The following ENTPD5 variants were observed in gnomAD, a reference collection of about 807,000 sequenced individuals.
ENTPD5 encodes ectonucleoside triphosphate diphosphohydrolase 5 (inactive).
Under a neutral mutation model 60.2 loss-of-function variants are expected in ENTPD5, and 49 were observed. The observed-to-expected ratio is 0.81, with a 90% CI of 0.65 to 1.03. The LOEUF (loss-of-function observed/expected upper bound fraction) is 1.03, where lower values mean the gene tolerates loss of function less well. Among genes scored for constraint, ENTPD5 ranks in the 50% least tolerant of loss-of-function variants. The pLI is 0.00. For synonymous variants in ENTPD5, 187 were observed against 185.4 expected (o/e 1.01, Z -0.07); for missense variants, 480 against 507.6 (o/e 0.95, Z 0.52).
chr14:73,974,853 G>T, intron 11 of ENTPD5, 71 bp downstream of exon 11: 1 of 1,242,170 alleles, frequency 8.1e-7, no homozygotes, highest in Non-Finnish European at 1.2e-6. Context: ...GGCTATCAAG[G>T]AAGGGAAGAA....
downstream of ENTPD5, chr14:73,960,773 G>A (rs2056682803): frequency 5.0e-6 from 2 of 399,710 alleles, no homozygotes; most frequent in Non-Finnish European, 4.4e-6. Flanking sequence ...AAGACTGGAG[G>A]AGTTAAAAAG....
chr14:73,974,852 G>T, intron 11 of ENTPD5, 72 bp downstream of exon 11: 1 of 1,240,198 alleles, frequency 8.1e-7, no homozygotes, highest in Non-Finnish European at 1.2e-6. Context: ...TGGCTATCAA[G>T]GAAGGGAAGA....
intron 11 of ENTPD5, 79 bp downstream of exon 11, chr14:73,974,845 C>T: frequency 1.3e-5 from 15 of 1,131,246 alleles, no homozygotes; most frequent in Non-Finnish European, 1.8e-5. Context: ...CATAGAATGG[C>T]TATCAAGGAA....
At chr14:74,007,979 C>T (rs771237623) in intron 3 of ENTPD5, among the ~76,000 whole-genome samples, 5 of 151,408 alleles carry the variant, frequency 3.3e-5, no homozygotes, top group South Asian at 2.1e-4. Flanking sequence ...TATAGGCACC[C>T]GCCACCATGC....
chr14:73,969,356 A>C (rs1017503392), intron 15 of ENTPD5, among the ~76,000 whole-genome samples: 19 of 151,842 alleles, frequency 1.3e-4, no homozygotes, highest in African/African-American at 4.6e-4. Flanking sequence ...CACCTCTCCA[A>C]CTCTTTCCCC....
chr14:74,017,952 C>A (rs1045416399), intron 1 of ENTPD5, among the ~76,000 whole-genome samples: 1 of 151,750 alleles, frequency 6.6e-6, no homozygotes, highest in African/African-American at 2.4e-5. Context: ...GAGGCCGAGG[C>A]AGGTGGATCA....
intron 5 of ENTPD5, among the ~76,000 whole-genome samples, chr14:73,983,919 G>A (rs1407925397): frequency 6.6e-6 from 1 of 152,032 alleles, no homozygotes; most frequent in Admixed American, 6.6e-5. Flanking sequence ...TCGAATACCT[G>A]ACCTCAAGTG....
intron 6 of ENTPD5, among the ~76,000 whole-genome samples, chr14:73,980,091 T>G (rs2057616620): frequency 6.6e-6 from 1 of 151,668 alleles, no homozygotes; most frequent in South Asian, 2.1e-4. Flanking sequence ...GGATTACAGA[T>G]GCCTGCCACC....
chr14:73,957,095 A>AT (rs1194476384), downstream of ENTPD5, among the ~76,000 whole-genome samples: 31 of 127,994 alleles, frequency 2.4e-4, no homozygotes, highest in East Asian at 1.6e-3. Flanking sequence ...TATTATTATT[A>AT]TTATTATTTT....
intron 6 of ENTPD5, among the ~76,000 whole-genome samples, chr14:73,979,749 G>A (rs930194245): frequency 6.6e-6 from 1 of 152,026 alleles, no homozygotes; most frequent in Non-Finnish European, 1.5e-5. Flanking sequence ...GGGATTACAG[G>A]CGTAAGCCAC....
At chr14:73,994,127 CTTTA>C (rs1312196799) in intron 3 of ENTPD5, among the ~76,000 whole-genome samples, 3 of 151,704 alleles carry the variant, frequency 2.0e-5, no homozygotes, top group East Asian at 3.9e-4. Flanking sequence ...TTTTTTTAAA[CTTTA>C]TTTATTTATT....
intron 5 of ENTPD5, among the ~76,000 whole-genome samples, chr14:73,986,069 C>CAA (rs534512335): frequency 8.2e-4 from 65 of 79,266 alleles, no homozygotes; most frequent in Non-Finnish European, 1.4e-3. Context: ...GATACTCCGT[C>CAA]AAAAAAAAAA....
chr14:73,987,957 T>C lies in ENTPD5; in HGVS notation c.146A>G (p.Tyr49Cys). 1 of 1,614,162 alleles carries C rather than the reference T, an allele frequency of 6.2e-7. No homozygotes were observed. The highest frequency in any genetic ancestry group is 8.5e-7 in the Non-Finnish European group (1 of 1,180,026). Reference sequence around the variant, plus strand: ...GCTCCCTGCATCAAACATAATTCCATACAAGGTGCTGGCGCTGACATTGAT... The same window carrying C: ...GCTCCCTGCATCAAACATAATTCCACACAAGGTGCTGGCGCTGACATTGAT... ...CPINVSASTL[Y>C]GIMFDAGSTG... is the part of the protein sequence containing the mutation. The change falls in exon 4 of 16, where the codon TAT becomes TGT. Residue 49 changes from tyrosine (Y) to cysteine (C), a missense_variant. Physicochemically the swap from Tyr to Cys is radical, Grantham distance 194. Transcript: ENST00000334696.
chr14:73,976,502 T>C, intron 8 of ENTPD5, 90 bp from the exon 9 acceptor site: 2 of 990,132 alleles, frequency 2.0e-6, no homozygotes, highest in East Asian at 4.8e-5. Context: ...CTGAAGGTAT[T>C]CCATACATAC....
chr14:73,957,207 C>T (rs1475284462), downstream of ENTPD5, among the ~76,000 whole-genome samples: 4 of 151,924 alleles, frequency 2.6e-5, no homozygotes, highest in Admixed American at 6.6e-5. Context: ...ACACCATTCT[C>T]CTGCCTCAGC....
chr14:73,988,293 A>C, intron 3 of ENTPD5, 121 bp from the exon 4 acceptor site: 1 of 916,888 alleles, frequency 1.1e-6, no homozygotes, highest in Non-Finnish European at 1.5e-6. Flanking sequence ...CTGTACAACA[A>C]GCTAAACCAG....
At position 73,972,053 on chromosome 14, in the gene ENTPD5, T is replaced by A. The variant is rs1226555520; in HGVS notation, c.1028-145A>T. 6.2e-6 allele frequency: 4 copies of A among 640,878 alleles called. No homozygotes were observed. In the African/African-American group the frequency reaches 7.3e-5, roughly 12 times the overall value. 39.7% of individuals were successfully genotyped at this position (640,878 alleles called of 1,614,324 possible). A position where few individuals can be genotyped will look rare whatever the true frequency, so the allele number is the denominator to read the frequency against. On this transcript the variant is annotated intron_variant, in intron 13 of 15. Transcript: ENST00000334696. ...TATTTACAATCTATTCCATGTTATG[T>A]ATATTTAACCACAATGGAAAAAACA... is the stretch of plus-strand genomic sequence containing the variant.
intron 15 of ENTPD5, among the ~76,000 whole-genome samples, 198 bp downstream of exon 15, chr14:73,969,812 G>A (rs2057143206): frequency 6.6e-6 from 1 of 152,286 alleles, no homozygotes; most frequent in Admixed American, 6.5e-5. Context: ...AGCTTGCCTG[G>A]TAATACACTC....
rs563293201 is a variant in ENTPD5, at chr14:73,988,769, G to A, written c.-70-597C>T. ...TCCCATATATGAGTGAGAACATGCA[G>A]TATATATCTTTCTGAGCCTGGCGTG... On this transcript the variant is annotated intron_variant, in intron 3 of 15. Transcript: ENST00000334696. Among the ~76,000 whole-genome samples the A allele has an allele frequency of 2.6e-5, 4 of 152,232 alleles. No homozygotes were observed. The South Asian group carries it at 8.3e-4, about 32-fold the overall frequency.
Sources: gnomAD v4.1 joint callset for allele counts (sites outside exome capture counted in the v4.1 genomes callset) on GRCh38, gnomAD v4.1.1 for gene constraint, MANE v1.5 for transcripts, NCBI Gene and HGNC (gene_info 2026-07-23, HGNC 2026-07-21) for gene names.